NFILZ: variants seen among roughly 807,000 people sequenced by gnomAD.
The protein encoded by NFILZ is NFIL3 like protein.
At chr19:8,672,514 CA>C (rs1322621262) in intron 3 of NFILZ, among the ~76,000 whole-genome samples, 2 of 151,158 alleles carry the variant, frequency 1.3e-5, no homozygotes, top group African/African-American at 4.9e-5. Flanking sequence ...TTTGTTCATT[CA>C]AAATCCATAC....
chr19:8,670,602 G>T (rs79106014), intron 3 of NFILZ, among the ~76,000 whole-genome samples: 4,679 of 152,300 alleles, frequency 0.031, 252 homozygotes, highest in African/African-American at 0.11. Context: ...CCAAAGGGGT[G>T]GATGCCGGAG....
At chr19:8,638,650 G>A (rs888873163) in intron 3 of NFILZ, 1 of 152,168 alleles carries the variant, frequency 6.6e-6, no homozygotes, top group Non-Finnish European at 1.5e-5. Flanking sequence ...AGTTGGTCAA[G>A]TCTGCAGTAT....
rs1294326954 is a variant in NFILZ at position 8,680,182 on chromosome 19, C to T, written c.*2547C>T. Among the ~76,000 whole-genome samples, 2 of 125,920 alleles carry T rather than the reference C, an allele frequency of 1.6e-5. No individual in the cohort carries two copies. Among genetic ancestry groups the T allele is most frequent in the Non-Finnish European group, 3.1e-5 (2 of 63,546 alleles). 82.6% of individuals were successfully genotyped at this position (125,920 alleles called of 152,430 possible). The stretch of plus-strand genomic sequence containing the variant: ...CTGCAGTCCAGCCTGGGCGACAGAG[C>T]GAGACTCCATCTGAAAAAAAAAAAA... On this transcript the variant is annotated 3_prime_UTR_variant, in exon 6 of 6. Coordinates refer to ENST00000691075, the MANE Select transcript of NFILZ (RefSeq NM_001378600.1).
chr19:8,647,585 C>A (rs1266814722), intron 3 of NFILZ, among the ~76,000 whole-genome samples: 1 of 148,332 alleles, frequency 6.7e-6, no homozygotes, highest in African/African-American at 2.5e-5. Flanking sequence ...CACCCCCCCC[C>A]CCAAAAAAAG....
chr19:8,655,255 C>T (rs2042986940), intron 3 of NFILZ, among the ~76,000 whole-genome samples: 1 of 152,158 alleles, frequency 6.6e-6, no homozygotes, highest in African/African-American at 2.4e-5. Context: ...AAGGACAGAG[C>T]CTCCTTCCCT....
intron 3 of NFILZ, among the ~76,000 whole-genome samples, chr19:8,668,843 C>T (rs2043074324): frequency 6.6e-6 from 1 of 152,124 alleles, no homozygotes. Context: ...GTCAATTTAC[C>T]ATCTGTAAAC....
chr19:8,663,754 G>GTGTGTGTATGTGTGTA (rs1555674963), intron 3 of NFILZ, among the ~76,000 whole-genome samples: 36 of 117,562 alleles, frequency 3.1e-4, no homozygotes, highest in African/African-American at 7.6e-4. Flanking sequence ...GTGTGTGTGT[G>GTGTGTGTATGTGTGTA]TGTGTGTGTG....
intron 3 of NFILZ, among the ~76,000 whole-genome samples, chr19:8,671,422 G>A (rs1053679451): frequency 2.1e-5 from 3 of 145,586 alleles, no homozygotes; most frequent in African/African-American, 7.6e-5. Flanking sequence ...GGTTAGGGGG[G>A]TTCAGGCCAA....
At chr19:8,666,337 T>C (rs1555749774) in intron 3 of NFILZ, among the ~76,000 whole-genome samples, 3 of 140,700 alleles carry the variant, frequency 2.1e-5, no homozygotes, top group Non-Finnish European at 1.5e-5. Flanking sequence ...TCCTGCTTCA[T>C]TTTTTTTTTT....
At chr19:8,654,396 T>C (rs139176096) in intron 3 of NFILZ, among the ~76,000 whole-genome samples, 1,552 of 151,074 alleles carry the variant, frequency 0.01, 25 homozygotes, top group African/African-American at 0.036. Context: ...GGCGGGAGGA[T>C]TGTTTGAGCC....
intron 3 of NFILZ, among the ~76,000 whole-genome samples, chr19:8,653,232 C>T (rs1555747980): frequency 6.6e-6 from 1 of 151,798 alleles, no homozygotes; most frequent in African/African-American, 2.4e-5. Flanking sequence ...AGGCACGCAC[C>T]ACCACACCCA....
chr19:8,656,795 C>G (rs797039122), intron 3 of NFILZ, among the ~76,000 whole-genome samples: 1 of 152,168 alleles, frequency 6.6e-6, no homozygotes, highest in African/African-American at 2.4e-5. Context: ...GAAGGGGGGT[C>G]TGGAGGTCTC....
In NFILZ at chr19:8,680,510, CATAAAG is replaced by C. The variant is rs1298971732; in HGVS notation, c.*2879_*2884del. 6.6e-6 allele frequency among the ~76,000 whole-genome samples: 1 copy of C among 152,030 alleles called. No individual in the cohort carries two copies. The highest frequency in any genetic ancestry group is 1.5e-5 in the Non-Finnish European group (1 of 68,022). ...TAAGACAACTTCCATGTCTCAAGATCATAAAGATAGTCTCCTATCTTTATGTTCCAG... is the reference window on the plus strand; with the variant it reads ...TAAGACAACTTCCATGTCTCAAGATCATAGTCTCCTATCTTTATGTTCCAG... On this transcript the variant is annotated 3_prime_UTR_variant, in exon 6 of 6. Transcript: ENST00000691075.
intron 3 of NFILZ, among the ~76,000 whole-genome samples, chr19:8,658,068 G>A (rs1568422145): frequency 6.6e-6 from 1 of 152,196 alleles, no homozygotes; most frequent in Non-Finnish European, 1.5e-5. Flanking sequence ...TCTGGCAGGA[G>A]CATTCCAGGC....
chr19:8,656,476 CT>C (rs2043002295), intron 3 of NFILZ, among the ~76,000 whole-genome samples: 4 of 47,800 alleles, frequency 8.4e-5, no homozygotes, highest in African/African-American at 4.0e-4. Flanking sequence ...AGCCCACCTT[CT>C]CCCGCAGCCC....
intron 3 of NFILZ, among the ~76,000 whole-genome samples, chr19:8,672,130 T>A (rs2146171979): frequency 6.6e-6 from 1 of 152,260 alleles, no homozygotes; most frequent in East Asian, 1.9e-4. Flanking sequence ...AAAAAGATAT[T>A]CATGCATTTG....
Position 8,678,208 on chromosome 19 carries a change from T to TCCGTCCGTCTGTC in NFILZ, c.*575_*576insGTCCGTCTGTCCC, listed in dbSNP as rs2043127831. ...ATCCATCCGTCCATCTATCCATCCA[T>TCCGTCCGTCTGTC]CCATTCATCCATCCGTCCATCCATT... On this transcript the variant is annotated 3_prime_UTR_variant, in exon 6 of 6. Transcript: ENST00000691075. Among the ~76,000 whole-genome samples, 2 of 90,328 alleles carry TCCGTCCGTCTGTC rather than the reference T, an allele frequency of 2.2e-5. No homozygotes were observed. Among genetic ancestry groups the TCCGTCCGTCTGTC allele is most frequent in the Non-Finnish European group, 4.6e-5 (2 of 43,376 alleles). 59.3% of individuals were successfully genotyped at this position (90,328 alleles called of 152,430 possible).
intron 3 of NFILZ, among the ~76,000 whole-genome samples, chr19:8,653,199 G>A (rs1450139879): frequency 1.3e-5 from 2 of 151,584 alleles, no homozygotes; most frequent in African/African-American, 4.9e-5. Flanking sequence ...TCCTGCCTCA[G>A]CCTCCCAAGT....
Position 8,641,574 on chromosome 19 carries a change from T to C in NFILZ, c.-164+5828T>C, listed in dbSNP as rs147344233. 2.6e-5 allele frequency among the ~76,000 whole-genome samples: 4 copies of C among 152,292 alleles called. No individual in the cohort carries two copies. In the East Asian group the frequency reaches 7.7e-4, roughly 29 times the overall value. On this transcript the variant is annotated intron_variant, in intron 3 of 5. Coordinates refer to ENST00000691075, the MANE Select transcript of NFILZ (RefSeq NM_001378600.1). The stretch of plus-strand genomic sequence containing the variant: ...CCTCTGATCTAGCTTGGTTCTCTTA[T>C]TTTACACATGGGGAAACTGAGTCAA...
Sources: gnomAD v4.1 joint callset for allele counts (sites outside exome capture counted in the v4.1 genomes callset) on GRCh38, gnomAD v4.1.1 for gene constraint, MANE v1.5 for transcripts, NCBI Gene and HGNC (gene_info 2026-07-23, HGNC 2026-07-21) for gene names.